BCLAF3: variants seen among roughly 807,000 people sequenced by gnomAD.
BCLAF3 encodes BCLAF1 and THRAP3 family member 3.
Under a neutral mutation model 51.2 loss-of-function variants are expected in BCLAF3, and 24 were observed. The observed-to-expected ratio is 0.47, with a 90% CI of 0.34 to 0.66. The LOEUF (loss-of-function observed/expected upper bound fraction) is 0.66. Among genes scored for constraint, BCLAF3 ranks in the 30% least tolerant of loss-of-function variants. BCLAF3 has a pLI of 0.01. For missense variants in BCLAF3, 465 were observed against 525.1 expected, an observed-to-expected ratio of 0.89 and a Z score of 1.12; for synonymous variants, 152 against 176.6, an observed-to-expected ratio of 0.86 and a Z score of 1.10.
At position 19,929,802 on chromosome X, in the gene BCLAF3, A is replaced by T. The variant is rs1461830254; in HGVS notation, c.2089T>A (p.Leu697Ile). ...CAACTAACCTTCTTTTTTCTCATTA[A>T]TCTTTCTCTGAACTTATGAGTGATA... ...GFITHKFRER[L>I]MRKKKEYTDV... The change falls in exon 11 of 12, where the codon TTA (leucine) becomes ATA (isoleucine). Residue 697 changes from leucine (L) to isoleucine (I), a missense_variant. Transcript: ENST00000379682. 8.3e-7 allele frequency: 1 copy of T among 1,197,885 alleles called. No homozygotes were observed. The highest frequency in any genetic ancestry group is 1.1e-6 in the Non-Finnish European group (1 of 890,915).
chrX:19,941,817 T>C (rs2071063715), intron 8 of BCLAF3, among the ~76,000 whole-genome samples: 1 of 88,160 alleles, frequency 1.1e-5, no homozygotes, highest in African/African-American at 4.5e-5. Flanking sequence ...AGAAAGTCAT[T>C]GGTAGCTTGA....
At chrX:19,975,402 G>A (rs1184465117) in intron 1 of BCLAF3, among the ~76,000 whole-genome samples, 6 of 106,305 alleles carry the variant, frequency 5.6e-5, no homozygotes, top group African/African-American at 1.7e-4. Context: ...GGAGTGCAGT[G>A]CTGCGATCTC....
chrX:19,958,732 A>G (rs764702780), intron 4 of BCLAF3, among the ~76,000 whole-genome samples: 24 of 112,076 alleles, frequency 2.1e-4, no homozygotes, highest in Non-Finnish European at 4.1e-4. Flanking sequence ...GTGTAAATAC[A>G]CTCTATGATC....
In BCLAF3 at chrX:19,952,965, C is replaced by G. The variant is rs773797063; in HGVS notation, c.1629+23G>C. On this transcript the variant is annotated intron_variant, in intron 7 of 11. Transcript: ENST00000379682. Reference sequence around the variant, plus strand: ...ATATACAAACAATAAGATAATTTCTCATCAAAAATTGTATTCACTAACCTG... The same window carrying G: ...ATATACAAACAATAAGATAATTTCTGATCAAAAATTGTATTCACTAACCTG... The G allele has an allele frequency of 4.3e-6, 5 of 1,172,870 alleles. No individual in the cohort carries two copies. In the South Asian group the frequency reaches 9.3e-5, roughly 22 times the overall value.
intron 7 of BCLAF3, among the ~76,000 whole-genome samples, chrX:19,952,550 T>C (rs1449271481): frequency 1.8e-5 from 2 of 111,444 alleles, no homozygotes; most frequent in African/African-American, 6.5e-5. Flanking sequence ...CCACAGAATG[T>C]TTCGTACATT....
Position 19,941,585 on chromosome X carries a change from T to C in BCLAF3, c.1746-4053A>G, listed in dbSNP as rs1189888107. On this transcript the variant is annotated intron_variant, in intron 8 of 11. Transcript: ENST00000379682. ...TTGTCAAAGATCAGATAGTTGTAGATATGTGGCGTTATTTCTGAGGGCTCT... is the reference window on the plus strand; with the variant it reads ...TTGTCAAAGATCAGATAGTTGTAGACATGTGGCGTTATTTCTGAGGGCTCT... Among the ~76,000 whole-genome samples, 642 of 109,143 alleles carry C rather than the reference T, an allele frequency of 5.9e-3. 2 individuals carry two copies. The highest frequency in any genetic ancestry group is 9.4e-3 in the Non-Finnish European group (495 of 52,540). 94.8% of individuals were successfully genotyped at this position (109,143 alleles called of 115,157 possible). A position where few individuals can be genotyped will look rare whatever the true frequency, so the allele number is the denominator to read the frequency against.
intron 2 of BCLAF3, among the ~76,000 whole-genome samples, chrX:19,968,721 G>T (rs1240705393): frequency 8.8e-6 from 1 of 113,043 alleles, no homozygotes; most frequent in African/African-American, 3.2e-5. Context: ...ATCCTTTATA[G>T]TTCTTAACAA....
In BCLAF3 at chrX:19,965,774, T is replaced by C. The variant is rs982840194; in HGVS notation, c.612-68A>G. The C allele has an allele frequency of 1.5e-5, 15 of 1,025,798 alleles. No homozygotes were observed. The South Asian group carries it at 2.3e-4, about 16-fold the overall frequency. The allele number at this position is 1,025,798 out of a possible 1,213,427, so 84.5% of individuals were successfully genotyped here. ...AAAGGGAGAATTTATATGTGTAGAATGTCGGGCAGCATGGCTTTAAATGCA... is the reference window on the plus strand; with the variant it reads ...AAAGGGAGAATTTATATGTGTAGAACGTCGGGCAGCATGGCTTTAAATGCA... On this transcript the variant is annotated intron_variant, in intron 3 of 11. Transcript: ENST00000379682.
At chrX:19,985,306 C>T (rs949625634) in intron 1 of BCLAF3, 7 of 111,595 alleles carry the variant, frequency 6.3e-5, no homozygotes, top group Admixed American at 3.8e-4. Context: ...GGCTAGGCAC[C>T]GTGCACTCAC....
chrX:19,951,324 G>A (rs1456873665), intron 7 of BCLAF3, among the ~76,000 whole-genome samples: 1 of 111,260 alleles, frequency 9.0e-6, no homozygotes, highest in African/African-American at 3.3e-5. Context: ...TAGGCCGGGC[G>A]CAGTGGCTCA....
At chrX:19,921,147 C>A (rs1411813323) in intron 11 of BCLAF3, among the ~76,000 whole-genome samples, 2 of 111,712 alleles carry the variant, frequency 1.8e-5, no homozygotes, top group African/African-American at 6.5e-5. Flanking sequence ...CAAGTTTGGT[C>A]TCTTTTCTTG....
intron 11 of BCLAF3, chrX:19,929,086 A>C (rs2070456878): frequency 8.9e-6 from 1 of 111,926 alleles, no homozygotes; most frequent in African/African-American, 3.2e-5. Context: ...TCAATACAAA[A>C]AAATAAGTAT....
chrX:19,940,717 G>A (rs1449737987), intron 8 of BCLAF3, among the ~76,000 whole-genome samples: 1 of 108,335 alleles, frequency 9.2e-6, no homozygotes, highest in Non-Finnish European at 1.9e-5. Flanking sequence ...TGTGAATAAT[G>A]CCGCAATAAA....
chrX:19,986,791 A>G (rs1031290362), intron 1 of BCLAF3, among the ~76,000 whole-genome samples: 1 of 101,116 alleles, frequency 9.9e-6, no homozygotes. Context: ...GAGAAACTTG[A>G]GTCGGTTTTT....
intron 8 of BCLAF3, 43 bp downstream of exon 8, chrX:19,950,710 C>A: frequency 1.0e-6 from 1 of 985,278 alleles, no homozygotes; most frequent in African/African-American, 1.9e-5. Context: ...ATGGTAAAAC[C>A]CAAAGCTCCC....
chrX:19,970,111 A>G, intron 2 of BCLAF3, 113 bp downstream of exon 2: 1 of 599,520 alleles, frequency 1.7e-6, no homozygotes. Flanking sequence ...ACTATGATAA[A>G]GTACCTACTG....
chrX:19,924,520 T>C (rs2070296147), intron 11 of BCLAF3, among the ~76,000 whole-genome samples: 1 of 111,331 alleles, frequency 9.0e-6, no homozygotes, highest in Non-Finnish European at 1.9e-5. Context: ...CAGCTAATCT[T>C]GGTTCCTGTT....
intron 10 of BCLAF3, among the ~76,000 whole-genome samples, chrX:19,932,525 A>ATTTTTT (rs58949658): frequency 1.0e-4 from 8 of 77,405 alleles, no homozygotes; most frequent in African/African-American, 1.7e-4. Flanking sequence ...ACAAGTCAAG[A>ATTTTTT]TTTTTTTTTT....
chrX:19,956,902 T>G (rs764828212), intron 4 of BCLAF3, among the ~76,000 whole-genome samples: 2 of 111,720 alleles, frequency 1.8e-5, no homozygotes, highest in Admixed American at 9.5e-5. Context: ...GGGGTATGAG[T>G]GCACGCATGC....
Sources: gnomAD v4.1 joint callset for allele counts (sites outside exome capture counted in the v4.1 genomes callset) on GRCh38, gnomAD v4.1.1 for gene constraint, MANE v1.5 for transcripts, NCBI Gene and HGNC (gene_info 2026-07-23, HGNC 2026-07-21) for gene names.